Variants in UBE2E2 observed in about 807,000 individuals in gnomAD.
UBE2E2 encodes ubiquitin conjugating enzyme E2 E2, also known as ubiquitin-conjugating enzyme E2 E2.
Under a neutral mutation model 24.7 loss-of-function variants are expected in UBE2E2, and 6 were observed. The observed-to-expected ratio is 0.24, with a 90% CI of 0.13 to 0.48. UBE2E2 has a LOEUF of 0.48. Among genes scored for constraint, UBE2E2 ranks in the 20% least tolerant of loss-of-function variants. UBE2E2 has a pLI of 0.99. For synonymous variants in UBE2E2, 104 were observed against 83.6 expected (o/e 1.24, Z -1.33); for missense variants, 169 against 245.0 (o/e 0.69, Z 2.07).
intron 4 of UBE2E2, among the ~76,000 whole-genome samples, chr3:23,503,095 G>GTAA (rs1318837107): frequency 1.3e-5 from 2 of 151,190 alleles, no homozygotes; most frequent in African/African-American, 2.4e-5. Context: ...GTAGACATAT[G>GTAA]TTTTAATGTT....
Position 23,544,920 on chromosome 3 carries a change from C to T in UBE2E2, c.508+12219C>T, listed in dbSNP as rs534902753. 5.3e-5 allele frequency among the ~76,000 whole-genome samples: 8 copies of T among 152,188 alleles called. No homozygotes were observed. In the East Asian group the frequency reaches 7.7e-4, roughly 15 times the overall value. On this transcript the variant is annotated intron_variant, in intron 5 of 5. Transcript: ENST00000396703. ...TGGGGAGAGGGTCAGCAGACAAACA[C>T]GTGAACAAAGGTCTTTGCATCATAG...
At chr3:23,332,674 GGTGTGT>G (rs3086989) in intron 3 of UBE2E2, among the ~76,000 whole-genome samples, 3,398 of 108,072 alleles carry the variant, frequency 0.031, 64 homozygotes, top group East Asian at 0.1. Context: ...CAGCCAGTGG[GGTGTGT>G]GTGTGTGTGT....
chr3:23,312,632 C>G (rs117106647), intron 3 of UBE2E2, among the ~76,000 whole-genome samples: 4,367 of 152,026 alleles, frequency 0.029, 109 homozygotes, highest in East Asian at 0.13. Context: ...TCATTTATTT[C>G]TGCTCTGATC....
intron 3 of UBE2E2, among the ~76,000 whole-genome samples, chr3:23,245,987 T>G (rs1697383805): frequency 6.6e-6 from 1 of 152,194 alleles, no homozygotes; most frequent in Admixed American, 6.5e-5. Flanking sequence ...GCAGGAGACT[T>G]CAGGTGAATA....
chr3:23,268,875 A>G (rs1412342270), intron 3 of UBE2E2, among the ~76,000 whole-genome samples: 9 of 152,166 alleles, frequency 5.9e-5, no homozygotes, highest in Non-Finnish European at 1.0e-4. Context: ...ATGGAACAGA[A>G]CAGAGCCCTG....
At chr3:23,379,974 C>T (rs943781473) in intron 3 of UBE2E2, among the ~76,000 whole-genome samples, 11 of 151,728 alleles carry the variant, frequency 7.2e-5, no homozygotes, top group Non-Finnish European at 1.3e-4. Flanking sequence ...CAGTCTTTCT[C>T]CCAGATACTG....
chr3:23,537,103 G>C (rs17013433), intron 5 of UBE2E2, among the ~76,000 whole-genome samples: 1 of 152,152 alleles, frequency 6.6e-6, no homozygotes, highest in African/African-American at 2.4e-5. Context: ...TAATCTGTAA[G>C]TGGTACGTGA....
chr3:23,340,384 G>A (rs1042495083), intron 3 of UBE2E2, among the ~76,000 whole-genome samples: 3 of 151,824 alleles, frequency 2.0e-5, no homozygotes, highest in African/African-American at 7.3e-5. Flanking sequence ...TTTTCTTCTT[G>A]TGAAGCAAGT....
At chr3:23,371,975 G>T (rs78053050) in intron 3 of UBE2E2, among the ~76,000 whole-genome samples, 43,698 of 151,606 alleles carry the variant, frequency 0.29, 6,516 homozygotes, top group East Asian at 0.36. Flanking sequence ...AAAATTAGCC[G>T]GCTGTGGTGG....
rs560201027 is a variant in UBE2E2, at chr3:23,425,770, G to A, written c.228-73838G>A. Reference sequence around the variant, plus strand: ...ACTATAGAATGCTCTACCCTCCCCCGCTTTCTTACCCCCACTTTCTTAGCC... The same window carrying A: ...ACTATAGAATGCTCTACCCTCCCCCACTTTCTTACCCCCACTTTCTTAGCC... On this transcript the variant is annotated intron_variant, in intron 3 of 5. Coordinates refer to ENST00000396703, the MANE Select transcript of UBE2E2 (RefSeq NM_152653.4). Among the ~76,000 whole-genome samples, 69 of 151,890 alleles carry A rather than the reference G, an allele frequency of 4.5e-4. 1 individual carries two copies. In the Middle Eastern group the frequency reaches 0.01, roughly 22 times the overall value.
At chr3:23,332,645 T>G (rs1197971217) in intron 3 of UBE2E2, among the ~76,000 whole-genome samples, 1 of 144,702 alleles carries the variant, frequency 6.9e-6, no homozygotes, top group Non-Finnish European at 1.5e-5. Flanking sequence ...AACACAAATT[T>G]TAGCTTTGAG....
In UBE2E2 at chr3:23,589,917, G is replaced by T; in HGVS notation, c.*86G>T. 1.6e-6 allele frequency: 2 copies of T among 1,275,062 alleles called. No homozygotes were observed. The highest frequency in any genetic ancestry group is 2.2e-6 in the Non-Finnish European group (2 of 904,500). 79.0% of individuals were successfully genotyped at this position (1,275,062 alleles called of 1,614,324 possible). A position where few individuals can be genotyped will look rare whatever the true frequency, so the allele number is the denominator to read the frequency against. On this transcript the variant is annotated 3_prime_UTR_variant, in exon 6 of 6. Coordinates refer to ENST00000396703, the MANE Select transcript of UBE2E2 (RefSeq NM_152653.4). This position sits in a 1 kb window ranked among gnomAD's most constrained non-coding sequence, Gnocchi z 4.1. ...GCCCTGCCCACCCCTCCAGACCTCG[G>T]TTCTTATTTTCCTATTTTTATTAAA...
At chr3:23,460,155 C>T (rs1698776717) in intron 3 of UBE2E2, among the ~76,000 whole-genome samples, 1 of 152,144 alleles carries the variant, frequency 6.6e-6, no homozygotes, top group Non-Finnish European at 1.5e-5. Context: ...CTGGTTGGCA[C>T]CTTGAGCCAA....
chr3:23,461,841 C>T (rs1172165936), intron 3 of UBE2E2, among the ~76,000 whole-genome samples: 1 of 152,038 alleles, frequency 6.6e-6, no homozygotes, highest in East Asian at 1.9e-4. Flanking sequence ...ATTGCATGTT[C>T]TGAAAACTCA....
At chr3:23,312,364 C>T (rs771232578) in intron 3 of UBE2E2, among the ~76,000 whole-genome samples, 15 of 152,038 alleles carry the variant, frequency 9.9e-5, no homozygotes, top group Non-Finnish European at 1.9e-4. Context: ...TATTCCTTCC[C>T]ACAAGCATTT....
At chr3:23,307,404 C>T (rs1406525453) in intron 3 of UBE2E2, among the ~76,000 whole-genome samples, 1 of 152,042 alleles carries the variant, frequency 6.6e-6, no homozygotes, top group African/African-American at 2.4e-5. Context: ...ATATACTGTC[C>T]AGCTTCCAAA....
intron 3 of UBE2E2, among the ~76,000 whole-genome samples, chr3:23,403,910 C>A (rs908946933): frequency 6.6e-6 from 1 of 151,750 alleles, no homozygotes; most frequent in African/African-American, 2.4e-5. Context: ...GAAGAATTAA[C>A]CATGTCAGTA....
chr3:23,215,335 T>C (rs1696447230), intron 2 of UBE2E2, among the ~76,000 whole-genome samples: 1 of 152,146 alleles, frequency 6.6e-6, no homozygotes, highest in African/African-American at 2.4e-5. Flanking sequence ...AAATATTCAA[T>C]GCCAGACCAA....
intron 3 of UBE2E2, among the ~76,000 whole-genome samples, chr3:23,340,059 T>G (rs1009945833): frequency 3.3e-5 from 5 of 152,120 alleles, no homozygotes; most frequent in African/African-American, 7.2e-5. Context: ...AGCTGAAGCC[T>G]AGAAGCTTAA....
Sources: gnomAD v4.1 joint callset for allele counts (sites outside exome capture counted in the v4.1 genomes callset) on GRCh38, gnomAD v4.1.1 for gene constraint, Gnocchi (gnomAD v3.1) non-coding constraint, MANE v1.5 for transcripts, NCBI Gene and HGNC (gene_info 2026-07-23, HGNC 2026-07-21) for gene names.